PCLO: variants seen among roughly 807,000 people sequenced by gnomAD.
PCLO encodes the protein piccolo presynaptic cytomatrix protein.
PCLO carries 82 observed loss-of-function variants against 427.5 expected under a neutral mutation model. The ratio of observed to expected loss-of-function variants is 0.19; its 90% CI spans 0.16 to 0.23. The LOEUF (loss-of-function observed/expected upper bound fraction) is 0.23. Ranked by LOEUF, PCLO falls within the 10% of genes least tolerant of loss-of-function variation. PCLO has a pLI of 1.00. For missense variants in PCLO, 6,239 were observed against 6,115.9 expected, an observed-to-expected ratio of 1.02 and a Z score of -0.67; for synonymous variants, 2,357 against 2,155.4, an observed-to-expected ratio of 1.09 and a Z score of -2.59.
At chr7:83,091,820 A>G (rs955998459) in intron 3 of PCLO, among the ~76,000 whole-genome samples, 3 of 152,204 alleles carry the variant, frequency 2.0e-5, no homozygotes, top group African/African-American at 7.2e-5. Context: ...CTATTTTACT[A>G]TGAAGGTTTT....
chr7:82,991,055 T>G (rs571890569), intron 3 of PCLO, among the ~76,000 whole-genome samples: 1 of 152,160 alleles, frequency 6.6e-6, no homozygotes, highest in African/African-American at 2.4e-5. Context: ...TCAATAAACG[T>G]TGATGAACAA....
intron 3 of PCLO, among the ~76,000 whole-genome samples, chr7:82,992,125 T>C (rs1397055371): frequency 2.6e-5 from 4 of 152,134 alleles, no homozygotes; most frequent in Non-Finnish European, 4.4e-5. Context: ...AAGAAATTTC[T>C]TGTTGTTTCC....
intron 3 of PCLO, among the ~76,000 whole-genome samples, chr7:82,968,487 C>T (rs1795828757): frequency 6.7e-6 from 1 of 149,220 alleles, no homozygotes; most frequent in African/African-American, 2.5e-5. Flanking sequence ...GGTTGAACCA[C>T]ATCTTAAGAG....
At chr7:83,116,699 T>C (rs1044712945) in intron 3 of PCLO, among the ~76,000 whole-genome samples, 1 of 152,178 alleles carries the variant, frequency 6.6e-6, no homozygotes, top group Non-Finnish European at 1.5e-5. Context: ...CATTATTAAC[T>C]ATATCACCAT....
At chr7:82,901,849 A>C (rs1794049340) in intron 9 of PCLO, among the ~76,000 whole-genome samples, 1 of 152,128 alleles carries the variant, frequency 6.6e-6, no homozygotes, top group Non-Finnish European at 1.5e-5. Context: ...TGGCCATCAG[A>C]GAAATGCAAA....
At chr7:82,817,340 A>G (rs905160784) in intron 20 of PCLO, among the ~76,000 whole-genome samples, 8 of 152,174 alleles carry the variant, frequency 5.3e-5, no homozygotes, top group African/African-American at 1.9e-4. Flanking sequence ...TTCACCTCCA[A>G]ATGAAATTGA....
intron 2 of PCLO, among the ~76,000 whole-genome samples, chr7:83,150,306 T>C (rs1157273835): frequency 3.3e-5 from 5 of 152,196 alleles, no homozygotes; most frequent in Non-Finnish European, 5.9e-5. Context: ...GAGAGATTTA[T>C]TCAATTAATG....
rs145852802 is a variant in PCLO at position 82,798,743 on chromosome 7, G to A, written c.15007+2775C>T. Among the ~76,000 whole-genome samples, 1,019 of 152,178 alleles carry A rather than the reference G, an allele frequency of 6.7e-3. 9 individuals carry two copies. The highest frequency in any genetic ancestry group is 9.5e-3 in the Non-Finnish European group (649 of 68,006). On this transcript the variant is annotated intron_variant, in intron 22 of 24. Transcript: ENST00000333891. ...ATTCATGCCCAATTCATATAGATAC[G>A]TAGATTATAAATTTGATTATTGTCA...
At position 82,952,943 on chromosome 7, in the gene PCLO, G is replaced by A. The variant is rs1795396751; in HGVS notation, c.8010C>T (p.Leu2670=). Residue 2670 remains leucine, a synonymous_variant, in exon 5 of 25, where the codon CTC becomes CTT. Coordinates refer to ENST00000333891, the MANE Select transcript of PCLO (RefSeq NM_033026.6). ...QAAPTSVTQF[L]TTEVSKTEVS... ...CCTCAGTCTTGGAAACTTCAGTAGT[G>A]AGAAACTGTGTAACTGATGTGGGAG... 1 of 1,613,780 alleles carries A rather than the reference G, an allele frequency of 6.2e-7. No homozygotes were observed. Among genetic ancestry groups the A allele is most frequent in the African/African-American group, 1.3e-5 (1 of 74,920 alleles).
At chr7:83,091,456 TA>T (rs1166415478) in intron 3 of PCLO, among the ~76,000 whole-genome samples, 1 of 152,116 alleles carries the variant, frequency 6.6e-6, no homozygotes, top group Non-Finnish European at 1.5e-5. Flanking sequence ...GCCACTTCTA[TA>T]AAGACTTAGC....
intron 22 of PCLO, among the ~76,000 whole-genome samples, chr7:82,783,422 G>T (rs1017267530): frequency 1.3e-5 from 2 of 152,070 alleles, no homozygotes; most frequent in Non-Finnish European, 2.9e-5. Context: ...AGACCATCCC[G>T]GCTAACACGG....
At chr7:83,060,612 T>C (rs142279322) in intron 3 of PCLO, among the ~76,000 whole-genome samples, 2 of 152,250 alleles carry the variant, frequency 1.3e-5, no homozygotes, top group East Asian at 3.9e-4. Flanking sequence ...CTTAGCACTA[T>C]TGGAACATAA....
At position 82,902,683 on chromosome 7, in the gene PCLO, AT is replaced by A; in HGVS notation, c.13495del (p.Ile4499Ter). The A allele has an allele frequency of 6.3e-7, 1 of 1,599,618 alleles. No homozygotes were observed. On this transcript the variant is annotated frameshift_variant, in exon 9 of 25. Transcript: ENST00000333891. LOFTEE classifies it high-confidence loss of function. The stretch of plus-strand genomic sequence containing the variant: ...TGTGTGATCCTTTGAGTCTCTTGTT[AT>A]TTTTATCCTTGCGTGAGGAAAGATG... ...HYIFPHARIK[I>X]TRDSKDHTVS...
At position 83,162,695 on chromosome 7, in the gene PCLO, C is replaced by A. The variant is rs1792479384; in HGVS notation, c.-103G>T. ...GTCAGAGCCGGGGTCCGCCTCGGGGCGTGCAGGCAGCCGAGTCCCTGGACT... is the reference window on the plus strand; with the variant it reads ...GTCAGAGCCGGGGTCCGCCTCGGGGAGTGCAGGCAGCCGAGTCCCTGGACT... On this transcript the variant is annotated 5_prime_UTR_variant, in exon 1 of 25. Coordinates refer to ENST00000333891, the MANE Select transcript of PCLO (RefSeq NM_033026.6). 4.3e-6 allele frequency: 6 copies of A among 1,398,424 alleles called. No individual in the cohort carries two copies. In the South Asian group the frequency reaches 8.9e-5, roughly 21 times the overall value. 86.6% of individuals were successfully genotyped at this position (1,398,424 alleles called of 1,614,324 possible).
chr7:83,113,140 T>C lies in PCLO; in HGVS notation c.3300+21110A>G, dbSNP rs545211413. ...TGTACATGTATTTACTTCCTAATCG[T>C]TACAGCAGCCCCACACAGAAGGTCC... On this transcript the variant is annotated intron_variant, in intron 3 of 24. Coordinates refer to ENST00000333891, the MANE Select transcript of PCLO (RefSeq NM_033026.6). 1.4e-4 allele frequency among the ~76,000 whole-genome samples: 22 copies of C among 152,342 alleles called. No individual in the cohort carries two copies. In the South Asian group the frequency reaches 4.6e-3, roughly 32 times the overall value.
At chr7:82,819,184 G>A (rs139405144) in intron 20 of PCLO, among the ~76,000 whole-genome samples, 39 of 151,936 alleles carry the variant, frequency 2.6e-4, no homozygotes, top group Admixed American at 7.2e-4. Context: ...TTAATTTATC[G>A]TCTATTAGAA....
At chr7:82,760,943 C>CTTTTTTTTTTT (rs767222339) in intron 23 of PCLO, among the ~76,000 whole-genome samples, 159 bp from the exon 24 acceptor site, 15 of 60,396 alleles carry the variant, frequency 2.5e-4, no homozygotes, top group African/African-American at 8.5e-4. Flanking sequence ...AAAGATATGT[C>CTTTTTTTTTTT]TTTTTTTTTT....
chr7:82,968,585 T>A (rs1795831364), intron 3 of PCLO, among the ~76,000 whole-genome samples: 1 of 149,490 alleles, frequency 6.7e-6, no homozygotes. Context: ...AGTGGCTTGA[T>A]CTTGGTTCAC....
chr7:83,143,626 G>GCT (rs1791919780), intron 2 of PCLO, among the ~76,000 whole-genome samples: 1 of 129,090 alleles, frequency 7.7e-6, no homozygotes, highest in Non-Finnish European at 1.6e-5. Flanking sequence ...ATTTTAATAT[G>GCT]TTTGTCAGGA....
Sources: allele counts gnomAD v4.1 joint callset (sites outside exome capture counted in the v4.1 genomes callset), GRCh38; gene constraint gnomAD v4.1.1; transcripts MANE v1.5; gene names NCBI Gene and HGNC (gene_info 2026-07-23, HGNC 2026-07-21).